Variants in TAB2 observed in about 807,000 individuals in gnomAD.
TAB2 encodes TGF-beta-activated kinase 1 and MAP3K7-binding protein 2.
TAB2 carries 3 observed loss-of-function variants against 65.0 expected under a neutral mutation model. The observed-to-expected ratio is 0.05, with a 90% CI of 0.02 to 0.12. TAB2 has a LOEUF of 0.12. TAB2 is among the 10% of genes least tolerant of loss of function. The probability of loss-of-function intolerance (pLI) is 1.00; values close to 1 mark genes in which losing one functional copy is unlikely to be tolerated. For missense variants in TAB2, 623 were observed against 840.3 expected (o/e 0.74, Z 3.20); for synonymous variants, 298 against 285.1 (o/e 1.05, Z -0.46).
chr6:149,387,541 TCTC>T (rs1390453665), intron 3 of TAB2, among the ~76,000 whole-genome samples: 1 of 152,156 alleles, frequency 6.6e-6, no homozygotes, highest in Non-Finnish European at 1.5e-5. Flanking sequence ...ACATGTGAGT[TCTC>T]CTGCTTGGTT....
chr6:149,232,314 G>A (rs910377217), intron 1 of TAB2, among the ~76,000 whole-genome samples: 25 of 151,876 alleles, frequency 1.6e-4, no homozygotes, highest in Admixed American at 2.0e-4. Context: ...TGCAACCTCC[G>A]CCTCCCCAGT....
chr6:149,387,887 A>G (rs1013651088), intron 3 of TAB2, among the ~76,000 whole-genome samples: 2 of 152,158 alleles, frequency 1.3e-5, no homozygotes, highest in African/African-American at 4.8e-5. Flanking sequence ...ATTGTGTACC[A>G]TAATATCTAA....
intron 2 of TAB2, among the ~76,000 whole-genome samples, chr6:149,373,852 A>G (rs1343281029): frequency 6.6e-6 from 1 of 152,182 alleles, no homozygotes; most frequent in African/African-American, 2.4e-5. Context: ...GCTGATTGCA[A>G]GTCTGGAGTA....
intron 1 of TAB2, among the ~76,000 whole-genome samples, chr6:149,283,372 A>G (rs1246233469): frequency 1.3e-5 from 2 of 152,240 alleles, no homozygotes; most frequent in African/African-American, 4.8e-5. Flanking sequence ...TAACTAATAA[A>G]TCACAAAGTA....
At chr6:149,316,419 C>G (rs924885704), upstream of TAB2, among the ~76,000 whole-genome samples, 2 of 152,166 alleles carry the variant, frequency 1.3e-5, no homozygotes, top group Non-Finnish European at 2.9e-5. Flanking sequence ...CTCACTGTAG[C>G]TACAGTGCTC....
chr6:149,352,764 A>G (rs991076552), intron 1 of TAB2, among the ~76,000 whole-genome samples: 33 of 152,196 alleles, frequency 2.2e-4, no homozygotes, highest in African/African-American at 7.7e-4. Flanking sequence ...AGTGGATTCA[A>G]AGATGAATCA....
intron 1 of TAB2, among the ~76,000 whole-genome samples, chr6:149,231,522 G>T (rs1200370374): frequency 1.3e-5 from 2 of 152,122 alleles, no homozygotes; most frequent in African/African-American, 4.8e-5. Context: ...TTGATTTGGG[G>T]GTGATACCTA....
chr6:149,253,714 G>A lies in TAB2; in HGVS notation c.-121+34938G>A, dbSNP rs577066237. 1.0e-4 allele frequency among the ~76,000 whole-genome samples: 15 copies of A among 149,862 alleles called. No individual in the cohort carries two copies. The South Asian group carries it at 1.9e-3, about 19-fold the overall frequency. ...TGAGAGGGGCGGATCGCAAAGTCAA[G>A]AGATCGAGCCCATCCTGGCTAACAT... On this transcript the variant is annotated intron_variant, in intron 1 of 1. Transcript: ENST00000606202.
rs1779299888 is a variant in TAB2 at position 149,317,804 on chromosome 6, CGGAGGGAGTTGGCGGCGGCG to C, written c.-298_-279del. 6.2e-6 allele frequency: 1 copy of C among 160,670 alleles called. No individual in the cohort carries two copies. Among genetic ancestry groups the C allele is most frequent in the African/African-American group, 2.5e-5 (1 of 39,614 alleles). 10.0% of individuals were successfully genotyped at this position (160,670 alleles called of 1,614,324 possible). ...CAGGAGCGGTGGCGGCGGCGGCGGC[CGGAGGGAGTTGGCGGCGGCG>C]GGCGAGCGGAGGGGGCTGAGCGGGG... On this transcript the variant is annotated 5_prime_UTR_variant, in exon 1 of 7. Coordinates refer to ENST00000637181, the MANE Select transcript of TAB2 (RefSeq NM_001292034.3). The surrounding 1 kb of genome is among the most constrained non-coding windows in gnomAD (Gnocchi z 4.7).
chr6:149,346,846 G>A (rs1236816711), intron 1 of TAB2, among the ~76,000 whole-genome samples: 1 of 152,160 alleles, frequency 6.6e-6, no homozygotes, highest in African/African-American at 2.4e-5. Context: ...ATCATTCAGT[G>A]AATTGGTTTG....
intron 1 of TAB2, among the ~76,000 whole-genome samples, chr6:149,334,914 A>G (rs533026): frequency 0.12 from 18,489 of 152,186 alleles, 1,723 homozygotes; most frequent in East Asian, 0.51. Context: ...AGAGAAATAC[A>G]TTAGTGAGTA....
At chr6:149,282,034 C>T (rs989149548) in intron 1 of TAB2, among the ~76,000 whole-genome samples, 6 of 152,058 alleles carry the variant, frequency 3.9e-5, no homozygotes, top group Non-Finnish European at 7.4e-5. Flanking sequence ...GGCATGATGG[C>T]AGGTGCCTAT....
intron 3 of TAB2, among the ~76,000 whole-genome samples, chr6:149,394,512 C>T (rs1782103587): frequency 6.6e-6 from 1 of 152,130 alleles, no homozygotes; most frequent in South Asian, 2.1e-4. Flanking sequence ...GAATGCCACA[C>T]ACTATGTGTA....
At chr6:149,258,965 G>A (rs991578314) in intron 1 of TAB2, among the ~76,000 whole-genome samples, 2 of 152,172 alleles carry the variant, frequency 1.3e-5, no homozygotes, top group Non-Finnish European at 2.9e-5. Flanking sequence ...TTTGAAAATG[G>A]AGGAAAGGGC....
intron 1 of TAB2, among the ~76,000 whole-genome samples, chr6:149,269,202 G>A (rs1778317130): frequency 6.6e-6 from 1 of 152,182 alleles, no homozygotes. Context: ...CCTTTGTGCT[G>A]CGAATAAAAT....
rs1781861358 is a variant in TAB2 at position 149,388,113 on chromosome 6, C to T, written c.1603+8595C>T. The stretch of plus-strand genomic sequence containing the variant: ...GCTTGGTTATGTTGCAGTAACAAAC[C>T]ATGTCTTAAAAACAACTAAGATTTA... On this transcript the variant is annotated intron_variant, in intron 3 of 6. Coordinates refer to ENST00000637181, the MANE Select transcript of TAB2 (RefSeq NM_001292034.3). 2.0e-5 allele frequency among the ~76,000 whole-genome samples: 3 copies of T among 152,236 alleles called. No individual in the cohort carries two copies. The South Asian group carries it at 6.2e-4, about 32-fold the overall frequency.
intron 3 of TAB2, among the ~76,000 whole-genome samples, chr6:149,382,969 T>C (rs1457040218): frequency 6.6e-6 from 1 of 151,962 alleles, no homozygotes; most frequent in African/African-American, 2.4e-5. Context: ...CTGGCCAACA[T>C]GGTGAAACAA....
chr6:149,242,991 C>T (rs774064020), intron 1 of TAB2, among the ~76,000 whole-genome samples: 5 of 152,236 alleles, frequency 3.3e-5, no homozygotes, highest in Non-Finnish European at 7.3e-5. Context: ...GGATCTGCAT[C>T]TGTAATTCCA....
At chr6:149,392,843 TCTA>T (rs1262131099) in intron 3 of TAB2, among the ~76,000 whole-genome samples, 23 of 152,236 alleles carry the variant, frequency 1.5e-4, no homozygotes, top group African/African-American at 4.3e-4. Flanking sequence ...TGTTTAATGA[TCTA>T]CTAACATTGT....
Sources: gnomAD v4.1 joint callset for allele counts (sites outside exome capture counted in the v4.1 genomes callset) on GRCh38, gnomAD v4.1.1 for gene constraint, Gnocchi (gnomAD v3.1) non-coding constraint, MANE v1.5 for transcripts, NCBI Gene and HGNC (gene_info 2026-07-23, HGNC 2026-07-21) for gene names.